The following BICD1 variants were observed in gnomAD, a reference collection of about 807,000 sequenced individuals.
The protein encoded by BICD1 is protein bicaudal D homolog 1.
A neutral mutation model predicts 92.5 loss-of-function variants in BICD1; 35 were observed. The ratio of observed to expected loss-of-function variants is 0.38; its 90% confidence interval spans 0.29 to 0.50. The LOEUF is 0.50. Among genes scored for constraint, BICD1 ranks in the 20% least tolerant of loss-of-function variants. The pLI, the probability that BICD1 is intolerant of heterozygous loss-of-function variation, is 0.93. For synonymous variants in BICD1, 429 were observed against 465.1 expected (o/e 0.92, Z 1.00); for missense variants, 950 against 1,189.8 (o/e 0.80, Z 2.97).
intron 2 of BICD1, among the ~76,000 whole-genome samples, chr12:32,283,066 G>A (rs550159079): frequency 6.6e-6 from 1 of 152,190 alleles, no homozygotes; most frequent in Non-Finnish European, 1.5e-5. Context: ...GGGGATAGAA[G>A]CCATATCTCC....
chr12:32,328,282 A>G lies in BICD1; in HGVS notation c.1827A>G (p.Ser609=). The change falls in exon 5 of 10, where the codon TCA becomes TCG. Residue 609 remains serine, a synonymous_variant. Coordinates refer to ENST00000652176, the MANE Select transcript of BICD1 (RefSeq NM_001714.4). The surrounding 1 kb of genome is among the most constrained non-coding windows in gnomAD (Gnocchi z 4.4). ...CTCCTGTTATTACTGCCCCACCGTCATCTCCAGTATTGGATACAAGTGACA... is the reference window on the plus strand; with the variant it reads ...CTCCTGTTATTACTGCCCCACCGTCGTCTCCAGTATTGGATACAAGTGACA... ...TISPVITAPP[S]SPVLDTSDIR... The G allele has an allele frequency of 7.4e-6, 12 of 1,614,246 alleles. No individual in the cohort carries two copies. Among genetic ancestry groups the G allele is most frequent in the African/African-American group, 1.3e-5 (1 of 75,066 alleles).
At chr12:32,294,236 T>C (rs2136194105) in intron 3 of BICD1, 90 bp downstream of exon 3, 1 of 1,252,018 alleles carries the variant, frequency 8.0e-7, no homozygotes, top group East Asian at 2.4e-5. Flanking sequence ...CAGAATTTAT[T>C]GTTACTCTTT....
intron 4 of BICD1, among the ~76,000 whole-genome samples, chr12:32,325,583 A>G (rs1220150588): frequency 1.3e-5 from 2 of 152,214 alleles, no homozygotes; most frequent in Non-Finnish European, 2.9e-5. Context: ...TAGGTTCCAT[A>G]AAGGATCATA....
rs778361558 is a variant in BICD1, at chr12:32,377,586, T to C, written c.2887T>C (p.Cys963Arg). 1 of 1,614,158 alleles carries C rather than the reference T, an allele frequency of 6.2e-7. No homozygotes were observed. Among genetic ancestry groups the C allele is most frequent in the Admixed American group, 1.7e-5 (1 of 60,018 alleles). The change falls in exon 10 of 10, where the codon TGC (cysteine) becomes CGC (arginine). Residue 963 changes from cysteine (C) to arginine (R), a missense_variant. Physicochemically the swap from Cys to Arg is radical, Grantham distance 180 (BLOSUM62 -3). This residue lies in a region of BICD1 where 179 missense variants were observed against 186.7 expected (regional missense o/e 0.96). Transcript: ENST00000652176. ...GGAGCAGCCACATTCCAGCTCCCAG[T>C]GCGCCCCTCTCCACTGTCTCTCCAA... ...PEEQPHSSSQ[C>R]APLHCLSKPP...
At chr12:32,348,163 A>C (rs564683791) in intron 8 of BICD1, among the ~76,000 whole-genome samples, 36 of 152,330 alleles carry the variant, frequency 2.4e-4, no homozygotes, top group Middle Eastern at 3.4e-3. Flanking sequence ...CCTGTCCAGA[A>C]ATTACATTTC....
Position 32,293,984 on chromosome 12 carries a change from GT to G in BICD1, c.427-8del. 1 of 1,611,180 alleles carries G rather than the reference GT, an allele frequency of 6.2e-7. No individual in the cohort carries two copies. Among genetic ancestry groups the G allele is most frequent in the Non-Finnish European group, 8.5e-7 (1 of 1,179,160 alleles). ...GAGTTATATATTGACTGTTTACTCT[GT>G]TGTTTCAGAACAATGAGATGGTGGA... On this transcript the variant is annotated splice_polypyrimidine_tract_variant and intron_variant, in intron 2 of 9. Transcript: ENST00000652176.
At chr12:32,302,348 C>CT (rs1948078861) in intron 3 of BICD1, among the ~76,000 whole-genome samples, 1 of 152,142 alleles carries the variant, frequency 6.6e-6, no homozygotes, top group South Asian at 2.1e-4. Flanking sequence ...CCCTTGTGAT[C>CT]TCTGCTTTAA....
intron 1 of BICD1, among the ~76,000 whole-genome samples, chr12:32,161,293 T>C (rs926580276): frequency 3.9e-5 from 6 of 152,146 alleles, no homozygotes; most frequent in Non-Finnish European, 8.8e-5. Context: ...GAAAGAACAT[T>C]AGTGAAATCA....
At chr12:32,190,052 A>G (rs2121529859) in intron 1 of BICD1, among the ~76,000 whole-genome samples, 1 of 152,276 alleles carries the variant, frequency 6.6e-6, no homozygotes, top group South Asian at 2.1e-4. Flanking sequence ...TTTAAACAGA[A>G]TGTTTTGTTT....
In BICD1 at chr12:32,113,556, T is replaced by C. The variant is rs182917502; in HGVS notation, c.213+6012T>C. On this transcript the variant is annotated intron_variant, in intron 1 of 9. Transcript: ENST00000652176. Reference sequence around the variant, plus strand: ...CCATGCCACCATGCCTGGCTAATTTTTTTTTGAGACTGAGTCTCCCTCTGT... The same window carrying C: ...CCATGCCACCATGCCTGGCTAATTTCTTTTTGAGACTGAGTCTCCCTCTGT... Among the ~76,000 whole-genome samples the C allele has an allele frequency of 1.3e-4, 19 of 151,984 alleles. No individual in the cohort carries two copies. The East Asian group carries it at 3.5e-3, about 28-fold the overall frequency.
At chr12:32,348,660 A>T (rs1347005485) in intron 8 of BICD1, among the ~76,000 whole-genome samples, 1 of 127,078 alleles carries the variant, frequency 7.9e-6, no homozygotes, top group African/African-American at 3.1e-5. Flanking sequence ...CATTCCAGGC[A>T]ATAACTGTCT....
At chr12:32,339,636 GA>G in intron 8 of BICD1, 1 of 985,188 alleles carries the variant, frequency 1.0e-6, no homozygotes, top group Non-Finnish European at 1.2e-6. Context: ...GGCCTAACTT[GA>G]AAATGTGACA....
Position 32,107,142 on chromosome 12 carries a change from C to G in BICD1, c.-190C>G, listed in dbSNP as rs1024285341. ...GCCCTGTTCTCCATGTTGCATTTCT[C>G]GTCAGTTTCTCGGGCGGTGTAGCTG... is the stretch of plus-strand genomic sequence containing the variant. On this transcript the variant is annotated 5_prime_UTR_variant, in exon 1 of 10. Coordinates refer to ENST00000652176, the MANE Select transcript of BICD1 (RefSeq NM_001714.4). 4.9e-6 allele frequency: 3 copies of G among 616,370 alleles called. No homozygotes were observed. The highest frequency in any genetic ancestry group is 8.5e-6 in the Non-Finnish European group (3 of 351,738). 38.2% of individuals were successfully genotyped at this position (616,370 alleles called of 1,614,324 possible).
At chr12:32,354,959 A>C (rs1279002597) in intron 8 of BICD1, among the ~76,000 whole-genome samples, 4 of 152,142 alleles carry the variant, frequency 2.6e-5, no homozygotes, top group East Asian at 3.9e-4. Flanking sequence ...TTAAATGTTC[A>C]AGTTGTTACT....
chr12:32,224,526 A>C (rs973581741), intron 2 of BICD1, among the ~76,000 whole-genome samples: 3 of 152,236 alleles, frequency 2.0e-5, no homozygotes, highest in African/African-American at 7.2e-5. Context: ...AAATATGTCT[A>C]TTAATGCCAT....
intron 1 of BICD1, among the ~76,000 whole-genome samples, chr12:32,184,405 G>A (rs1944369206): frequency 6.6e-6 from 1 of 152,128 alleles, no homozygotes; most frequent in Non-Finnish European, 1.5e-5. Flanking sequence ...TCCTGCCTCA[G>A]CCTCCCGAGT....
At chr12:32,228,448 T>A (rs1427988751) in intron 2 of BICD1, among the ~76,000 whole-genome samples, 2 of 152,168 alleles carry the variant, frequency 1.3e-5, no homozygotes, top group Admixed American at 1.3e-4. Context: ...GGAAGCCAGA[T>A]CATGTAGGGC....
At chr12:32,144,702 A>G (rs1943050833) in intron 1 of BICD1, among the ~76,000 whole-genome samples, 2 of 152,352 alleles carry the variant, frequency 1.3e-5, no homozygotes, top group South Asian at 2.1e-4. Context: ...CAAAAAATCT[A>G]TTATCTACTG....
intron 4 of BICD1, 146 bp from the exon 5 acceptor site, chr12:32,327,309 GAAATAA>G: frequency 1.0e-6 from 1 of 959,836 alleles, no homozygotes; most frequent in South Asian, 2.2e-5. Context: ...CAGAACTGCT[GAAATAA>G]AAAACACTCC....
Sources: allele counts gnomAD v4.1 joint callset (sites outside exome capture counted in the v4.1 genomes callset), GRCh38; gene constraint gnomAD v4.1.1; regional missense constraint gnomAD v4.1.1; non-coding constraint Gnocchi (gnomAD v3.1); transcripts MANE v1.5; gene names NCBI Gene and HGNC (gene_info 2026-07-23, HGNC 2026-07-21).